CLIC5: variants seen among roughly 807,000 people sequenced by gnomAD.
CLIC5 encodes the protein CLIC family member 5.
A neutral mutation model predicts 24.7 loss-of-function variants in CLIC5; 20 were observed. The ratio of observed to expected loss-of-function variants is 0.81; its 90% CI spans 0.57 to 1.18. The LOEUF (loss-of-function observed/expected upper bound fraction) is 1.18. CLIC5 is among the 50% of genes most tolerant of loss of function. The probability of loss-of-function intolerance (pLI) is 0.00; values close to 1 mark genes in which losing one functional copy is unlikely to be tolerated. For missense variants in CLIC5, 341 were observed against 326.1 expected, an observed-to-expected ratio of 1.05 and a Z score of -0.35; for synonymous variants, 159 against 135.6, an observed-to-expected ratio of 1.17 and a Z score of -1.20.
intron 1 of CLIC5, among the ~76,000 whole-genome samples, chr6:46,031,056 G>T (rs1031354036): frequency 2.6e-5 from 4 of 152,140 alleles, no homozygotes; most frequent in Admixed American, 2.6e-4. Flanking sequence ...CAGGCACATA[G>T]TATATGTCTA....
chr6:46,010,664 T>C (rs192549085), intron 1 of CLIC5, among the ~76,000 whole-genome samples: 1 of 152,286 alleles, frequency 6.6e-6, no homozygotes, highest in Non-Finnish European at 1.5e-5. Context: ...GCAGTGGACG[T>C]CAGCTTCTGC....
intron 1 of CLIC5, among the ~76,000 whole-genome samples, chr6:46,021,107 A>AC (rs1767167995): frequency 6.7e-6 from 1 of 149,896 alleles, no homozygotes; most frequent in Non-Finnish European, 1.5e-5. Context: ...AAAAAAAAAA[A>AC]AACCCAGCTA....
At chr6:46,079,993 G>T in exon 1 of CLIC5, 1 of 1,551,606 alleles carries the variant, frequency 6.4e-7, no homozygotes, top group Non-Finnish European at 8.7e-7. Context: ...ATCTCATCAG[G>T]CAGGAGGTAG....
At chr6:46,027,516 G>A (rs189823572) in intron 1 of CLIC5, among the ~76,000 whole-genome samples, 3 of 152,246 alleles carry the variant, frequency 2.0e-5, no homozygotes, top group East Asian at 1.9e-4. Flanking sequence ...TCAATACATC[G>A]TTGGAGAAAA....
chr6:46,070,746 CA>C (rs565592378), intron 1 of CLIC5, among the ~76,000 whole-genome samples: 77 of 151,862 alleles, frequency 5.1e-4, no homozygotes, highest in Non-Finnish European at 9.4e-4. Flanking sequence ...CATATGAAGC[CA>C]AAAAAGAACC....
intron 1 of CLIC5, among the ~76,000 whole-genome samples, chr6:46,064,219 T>G (rs1762376241): frequency 6.6e-6 from 1 of 152,094 alleles, no homozygotes; most frequent in Non-Finnish European, 1.5e-5. Context: ...GGAAACAAAT[T>G]ATCAAACTCA....
At chr6:45,909,055 A>T (rs1434263912) in intron 5 of CLIC5, among the ~76,000 whole-genome samples, 34 of 139,698 alleles carry the variant, frequency 2.4e-4, no homozygotes, top group Middle Eastern at 3.7e-3. Flanking sequence ...TTTTTTTTTC[A>T]CTATTGTTGG....
chr6:46,007,039 A>T (rs1766612267), intron 1 of CLIC5, among the ~76,000 whole-genome samples: 1 of 152,044 alleles, frequency 6.6e-6, no homozygotes, highest in Non-Finnish European at 1.5e-5. Context: ...CCTCTGGGGA[A>T]CCTCCTCCGT....
chr6:45,888,028 G>A lies in CLIC5; in HGVS notation c.624-6840C>T, dbSNP rs140694301. Among the ~76,000 whole-genome samples the A allele has an allele frequency of 2.8e-3, 424 of 152,332 alleles. 1 individual carries two copies. The highest frequency in any genetic ancestry group is 9.4e-3 in the African/African-American group (391 of 41,576). On this transcript the variant is annotated intron_variant, in intron 6 of 6. Transcript: ENST00000644324. Reference sequence around the variant, plus strand: ...ATGAACAAAGCAGCTTCAGAATATAGTGTATGACCCTAAAATTTCTGGAAG... The same window carrying A: ...ATGAACAAAGCAGCTTCAGAATATAATGTATGACCCTAAAATTTCTGGAAG...
chr6:46,012,711 A>G (rs762858819), intron 1 of CLIC5, among the ~76,000 whole-genome samples: 1 of 152,218 alleles, frequency 6.6e-6, no homozygotes, highest in Non-Finnish European at 1.5e-5. Flanking sequence ...TGGGCATTTT[A>G]CCTACTTTCT....
At chr6:46,000,859 C>T (rs758510748) in intron 1 of CLIC5, among the ~76,000 whole-genome samples, 2 of 152,206 alleles carry the variant, frequency 1.3e-5, no homozygotes, top group Non-Finnish European at 2.9e-5. Flanking sequence ...GGTGGGGATG[C>T]AGAGCCAAAC....
intron 1 of CLIC5, among the ~76,000 whole-genome samples, chr6:46,043,319 G>A (rs1285800175): frequency 6.6e-6 from 1 of 152,322 alleles, no homozygotes; most frequent in East Asian, 1.9e-4. Context: ...GATGAGAAAA[G>A]TGAGGATTAG....
intron 1 of CLIC5, among the ~76,000 whole-genome samples, chr6:45,981,591 C>T (rs148348045): frequency 2.9e-3 from 442 of 152,312 alleles, no homozygotes; most frequent in Non-Finnish European, 5.0e-3. Flanking sequence ...CCCTTAGTTA[C>T]CACCTCTGTG....
chr6:46,015,492 C>T lies in CLIC5; in HGVS notation c.51G>A (p.Glu17=), dbSNP rs1453809878. 3 of 1,556,136 alleles carry T rather than the reference C, an allele frequency of 1.9e-6. No individual in the cohort carries two copies. The highest frequency in any genetic ancestry group is 2.5e-5 in the East Asian group (1 of 40,610). Residue 17 remains glutamate (E), a synonymous_variant, in exon 1 of 6, where the codon GAG becomes GAA. Coordinates refer to ENST00000339561, the MANE Select transcript of CLIC5 (RefSeq NM_016929.5). Reference sequence around the variant, plus strand: ...GACCCCGACCTACCTTCACAAAGAGCTCGATCTCGGGGTCCCTGTCGTCCC... The same window carrying T: ...GACCCCGACCTACCTTCACAAAGAGTTCGATCTCGGGGTCCCTGTCGTCCC... ...ANGDDRDPEI[E]LFVKAGIDGE...
chr6:45,962,795 G>A (rs762849732), intron 1 of CLIC5, among the ~76,000 whole-genome samples: 1 of 152,218 alleles, frequency 6.6e-6, no homozygotes, highest in Non-Finnish European at 1.5e-5. Context: ...TGCCTTTGAT[G>A]CATAACTAGC....
chr6:46,115,986 A>T, the CLIC5 span, among the ~76,000 whole-genome samples: 1 of 152,122 alleles, frequency 6.6e-6, no homozygotes, highest in South Asian at 2.1e-4. Flanking sequence ...AATTATAAAA[A>T]CTCATGCTAT....
chr6:46,064,580 G>T (rs966151187), intron 1 of CLIC5, among the ~76,000 whole-genome samples: 3 of 151,958 alleles, frequency 2.0e-5, no homozygotes, highest in Non-Finnish European at 4.4e-5. Context: ...CAACAACATT[G>T]TTGTAAATTC....
At chr6:46,091,764 T>A in the CLIC5 span, among the ~76,000 whole-genome samples, 1 of 152,190 alleles carries the variant, frequency 6.6e-6, no homozygotes, top group Non-Finnish European at 1.5e-5. Flanking sequence ...CATCTGTTGT[T>A]GGACAGAGGT....
At chr6:46,059,472 T>A (rs1433691317) in intron 1 of CLIC5, among the ~76,000 whole-genome samples, 1 of 152,244 alleles carries the variant, frequency 6.6e-6, no homozygotes, top group African/African-American at 2.4e-5. Flanking sequence ...CTCTTTCATG[T>A]ACAAATAGCC....
Sources: allele counts gnomAD v4.1 joint callset (sites outside exome capture counted in the v4.1 genomes callset), GRCh38; gene constraint gnomAD v4.1.1; transcripts MANE v1.5; gene names NCBI Gene and HGNC (gene_info 2026-07-23, HGNC 2026-07-21).